The following HPSE2 variants were observed in gnomAD, a reference collection of about 807,000 sequenced individuals.
HPSE2 encodes the protein heparanase 2 (inactive).
A neutral mutation model predicts 60.5 loss-of-function variants in HPSE2; 38 were observed. The ratio of observed to expected loss-of-function variants is 0.63; its 90% confidence interval spans 0.48 to 0.82. The LOEUF is 0.82. Ranked by LOEUF, HPSE2 falls within the 40% of genes least tolerant of loss-of-function variation. The probability of loss-of-function intolerance (pLI) is 0.00; values close to 1 mark genes in which losing one functional copy is unlikely to be tolerated. For synonymous variants in HPSE2, 295 were observed against 293.2 expected (o/e 1.01, Z -0.06); for missense variants, 713 against 740.4 (o/e 0.96, Z 0.43).
intron 3 of HPSE2, among the ~76,000 whole-genome samples, chr10:99,108,206 T>C (rs184048774): frequency 1.3e-5 from 2 of 152,252 alleles, no homozygotes; most frequent in Admixed American, 6.5e-5. Flanking sequence ...GACAGGTAAC[T>C]AGGCAGTTGG....
At chr10:98,984,717 C>A (rs1240619609) in intron 3 of HPSE2, among the ~76,000 whole-genome samples, 1 of 152,070 alleles carries the variant, frequency 6.6e-6, no homozygotes, top group African/African-American at 2.4e-5. Flanking sequence ...AAGTTCGAAC[C>A]CATGGCAAAG....
At chr10:99,068,566 C>A (rs1842686845) in intron 3 of HPSE2, among the ~76,000 whole-genome samples, 1 of 152,138 alleles carries the variant, frequency 6.6e-6, no homozygotes, top group Non-Finnish European at 1.5e-5. Flanking sequence ...CTCCACCTGG[C>A]CCCACATGTG....
chr10:98,863,114 G>A (rs1249883919), intron 3 of HPSE2, among the ~76,000 whole-genome samples: 1 of 152,114 alleles, frequency 6.6e-6, no homozygotes, highest in Non-Finnish European at 1.5e-5. Context: ...CCCCAGGAAT[G>A]AAACATGTCA....
intron 9 of HPSE2, among the ~76,000 whole-genome samples, chr10:98,543,047 T>G (rs1943529371): frequency 6.6e-6 from 1 of 151,778 alleles, no homozygotes; most frequent in African/African-American, 2.4e-5. Context: ...AAAGTTGAAA[T>G]GAAGGAAAAA....
At chr10:98,814,006 A>G (rs888888495) in intron 3 of HPSE2, among the ~76,000 whole-genome samples, 7 of 152,212 alleles carry the variant, frequency 4.6e-5, no homozygotes, top group African/African-American at 1.2e-4. Flanking sequence ...ACTTTAAAAA[A>G]GGGGAAACTG....
chr10:98,979,003 C>G (rs1956149232), intron 3 of HPSE2, among the ~76,000 whole-genome samples: 1 of 152,124 alleles, frequency 6.6e-6, no homozygotes, highest in Admixed American at 6.5e-5. Flanking sequence ...GTGTTCTTTT[C>G]TTGGCCTATT....
At chr10:98,492,467 A>C (rs929151676) in intron 9 of HPSE2, among the ~76,000 whole-genome samples, 5 of 147,382 alleles carry the variant, frequency 3.4e-5, no homozygotes, top group African/African-American at 1.2e-4. Context: ...GCGCCACTGC[A>C]CTCCAGCCTG....
At chr10:98,864,254 T>C (rs945772867) in intron 3 of HPSE2, among the ~76,000 whole-genome samples, 1 of 152,154 alleles carries the variant, frequency 6.6e-6, no homozygotes, top group Non-Finnish European at 1.5e-5. Context: ...TAAATTATCA[T>C]CTCCCCAAGG....
intron 2 of HPSE2, among the ~76,000 whole-genome samples, chr10:99,196,256 A>G (rs886237853): frequency 4.6e-5 from 7 of 152,166 alleles, no homozygotes; most frequent in Admixed American, 2.6e-4. Flanking sequence ...TGAAACTACT[A>G]AAAGGAAACA....
chr10:98,626,312 C>T lies in HPSE2; in HGVS notation c.1099-5604G>A, dbSNP rs184255530. On this transcript the variant is annotated intron_variant, in intron 7 of 11. Coordinates refer to ENST00000370552, the MANE Select transcript of HPSE2 (RefSeq NM_021828.5). The stretch of plus-strand genomic sequence containing the variant: ...ACAAATATGACAGACTTGTTGTGTG[C>T]TTTAGTGCCACATCGTTTATTGTAC... Among the ~76,000 whole-genome samples, 383 of 152,246 alleles carry T rather than the reference C, an allele frequency of 2.5e-3. 2 individuals are homozygous for T. Among genetic ancestry groups the T allele is most frequent in the Middle Eastern group, 0.02 (6 of 294 alleles).
intron 3 of HPSE2, among the ~76,000 whole-genome samples, chr10:99,132,203 G>GAGAGAA (rs1845445553): frequency 6.6e-5 from 1 of 15,114 alleles, no homozygotes; most frequent in African/African-American, 1.2e-4. Flanking sequence ...GAGAGAGAGA[G>GAGAGAA]AGAGAGAGAG....
intron 3 of HPSE2, among the ~76,000 whole-genome samples, chr10:99,058,136 C>A (rs1003127827): frequency 1.3e-5 from 2 of 152,118 alleles, no homozygotes; most frequent in African/African-American, 4.8e-5. Flanking sequence ...TAGAGGGTTC[C>A]GGCAGAAAGG....
intron 3 of HPSE2, among the ~76,000 whole-genome samples, chr10:98,816,445 G>A (rs989397616): frequency 1.3e-5 from 2 of 152,088 alleles, no homozygotes; most frequent in African/African-American, 4.8e-5. Context: ...TGGCCCTTGT[G>A]TTGTCGAGTA....
At chr10:98,981,274 T>C (rs1956199223) in intron 3 of HPSE2, among the ~76,000 whole-genome samples, 1 of 152,182 alleles carries the variant, frequency 6.6e-6, no homozygotes, top group Non-Finnish European at 1.5e-5. Flanking sequence ...ATCTGCCTTA[T>C]ACCTATGCAT....
chr10:99,058,853 A>G (rs910453959), intron 3 of HPSE2, among the ~76,000 whole-genome samples: 8 of 152,256 alleles, frequency 5.3e-5, no homozygotes, highest in African/African-American at 7.2e-5. Context: ...ATAAAAGGTA[A>G]CAGGAAAGAA....
chr10:98,521,680 C>G (rs986987333), intron 9 of HPSE2, among the ~76,000 whole-genome samples: 1 of 152,156 alleles, frequency 6.6e-6, no homozygotes, highest in Admixed American at 6.5e-5. Flanking sequence ...AAGACACATG[C>G]ACACATACGA....
At chr10:98,808,231 A>AC (rs1210707591) in intron 3 of HPSE2, among the ~76,000 whole-genome samples, 1 of 151,686 alleles carries the variant, frequency 6.6e-6, no homozygotes, top group East Asian at 1.9e-4. Context: ...ACTCATCATC[A>AC]CCCCCTCAAA....
intron 4 of HPSE2, among the ~76,000 whole-genome samples, chr10:98,726,710 T>G (rs1443954860): frequency 6.6e-6 from 1 of 151,466 alleles, no homozygotes; most frequent in African/African-American, 2.4e-5. Flanking sequence ...GCAGCCACAG[T>G]GAACCTTGAC....
intron 3 of HPSE2, among the ~76,000 whole-genome samples, chr10:98,916,304 A>C (rs1002878560): frequency 6.6e-6 from 1 of 152,222 alleles, no homozygotes; most frequent in Non-Finnish European, 1.5e-5. Context: ...CAGGGCATGA[A>C]ATACTGGTAC....
Sources: allele counts gnomAD v4.1 joint callset (sites outside exome capture counted in the v4.1 genomes callset), GRCh38; gene constraint gnomAD v4.1.1; transcripts MANE v1.5; gene names NCBI Gene and HGNC (gene_info 2026-07-23, HGNC 2026-07-21).